Variants in CLDN14 observed in about 807,000 individuals in gnomAD.
CLDN14 encodes the protein claudin 14, also known as claudin-14.
In CLDN14, 2 loss-of-function variants were observed where a neutral mutation model predicts 2.1. The ratio of observed to expected loss-of-function variants is 0.96; its 90% CI spans 0.39 to 3.01. The LOEUF is 3.01. CLDN14 is among the 30% of genes most tolerant of loss of function. The pLI is 0.09. For missense variants in CLDN14, 298 were observed against 328.0 expected, an observed-to-expected ratio of 0.91 and a Z score of 0.71; for synonymous variants, 136 against 154.4, an observed-to-expected ratio of 0.88 and a Z score of 0.88.
chr21:36,461,455 G>T lies in CLDN14; in HGVS notation c.241C>A (p.Arg81Ser). The T allele has an allele frequency of 6.2e-7, 1 of 1,613,304 alleles. No homozygotes were observed. Among genetic ancestry groups the T allele is most frequent in the Non-Finnish European group, 8.5e-7 (1 of 1,179,970 alleles). Residue 81 changes from arginine (R) to serine (S), a missense_variant, in exon 2 of 2, where the codon CGC (arginine) becomes AGC (serine). By Grantham distance (110) the Arg-to-Ser change is moderately radical (BLOSUM62 -1). Coordinates refer to ENST00000399135, the MANE Select transcript of CLDN14 (RefSeq NM_001146079.2). The part of the protein sequence containing the change: ...LALPQDLQAA[R>S]ALMVISCLLS... ...AGGCAGGAGATGACCATGAGGGCGC[G>T]GGCAGCCTGGAGGTCTTGGGGCAGC...
intron 2 of CLDN14, among the ~76,000 whole-genome samples, chr21:36,509,672 T>C (rs763978841): frequency 2.0e-5 from 3 of 152,180 alleles, no homozygotes; most frequent in Middle Eastern, 3.2e-3. Flanking sequence ...CTCTGCTCAT[T>C]GCAACCTCCG....
chr21:36,502,404 T>C (rs977455484), intron 2 of CLDN14, among the ~76,000 whole-genome samples: 2 of 152,176 alleles, frequency 1.3e-5, no homozygotes, highest in African/African-American at 4.8e-5. Flanking sequence ...TTATGCCATC[T>C]CTGTAGTATG....
chr21:36,461,594 C>T lies in CLDN14; in HGVS notation c.102G>A (p.Ala34=), dbSNP rs146395322. The change falls in exon 2 of 2, where the codon GCG becomes GCA. Residue 34 remains alanine (A), a synonymous_variant. Coordinates refer to ENST00000399135, the MANE Select transcript of CLDN14 (RefSeq NM_001146079.2). ...TTILPHWRRT[A]HVGTNILTAV... ...CCGTGAGGATGTTGGTGCCCACGTG[C>T]GCTGTCCTCCGCCAGTGCGGCAGGA... The T allele has an allele frequency of 3.1e-4, 500 of 1,609,096 alleles. 1 individual carries two copies. Among genetic ancestry groups the T allele is most frequent in the Admixed American group, 7.6e-4 (45 of 59,438 alleles).
At chr21:36,535,145 C>T (rs992979838) in intron 1 of CLDN14, among the ~76,000 whole-genome samples, 9 of 152,132 alleles carry the variant, frequency 5.9e-5, no homozygotes, top group African/African-American at 2.2e-4. Context: ...AATCCCAGCC[C>T]TTTGGGAGGC....
At chr21:36,476,321 G>C (rs1370984250) in intron 1 of CLDN14, among the ~76,000 whole-genome samples, 1 of 152,118 alleles carries the variant, frequency 6.6e-6, no homozygotes, top group East Asian at 1.9e-4. Context: ...CCTTCCCAGA[G>C]CCCCACGGAA....
intron 1 of CLDN14, among the ~76,000 whole-genome samples, chr21:36,545,438 C>T (rs906413295): frequency 1.3e-5 from 2 of 151,976 alleles, no homozygotes; most frequent in Admixed American, 1.3e-4. Context: ...CAAGGGAGTC[C>T]CTTAGCCCTC....
Position 36,485,217 on chromosome 21 carries a change from C to T in CLDN14, c.-81-23441G>A, listed in dbSNP as rs1158566752. Among the ~76,000 whole-genome samples the T allele has an allele frequency of 3.4e-5, 5 of 147,068 alleles. 1 individual carries two copies. The highest frequency in any genetic ancestry group is 7.6e-5 in the Non-Finnish European group (5 of 66,150). The stretch of plus-strand genomic sequence containing the variant: ...GGAGTGAGACTGTGATTTTGTTTTT[C>T]TTTTTTTTTTGATGGCGTCTTAGTC... On this transcript the variant is annotated intron_variant, in intron 2 of 2. Coordinates refer to the CLDN14 transcript ENST00000342108.
chr21:36,462,408 C>G (rs1283067680), intron 1 of CLDN14, among the ~76,000 whole-genome samples: 3 of 152,104 alleles, frequency 2.0e-5, no homozygotes, highest in Admixed American at 1.3e-4. Context: ...TCCCTCCTCT[C>G]CAGCACGGAC....
intron 1 of CLDN14, among the ~76,000 whole-genome samples, chr21:36,541,602 C>T (rs1237222705): frequency 4.6e-5 from 7 of 152,200 alleles, no homozygotes; most frequent in African/African-American, 1.7e-4. Context: ...TTTCTTACTA[C>T]CTACCTTCTG....
At chr21:36,565,127 C>A (rs2087663522) in intron 1 of CLDN14, among the ~76,000 whole-genome samples, 1 of 152,216 alleles carries the variant, frequency 6.6e-6, no homozygotes, top group African/African-American at 2.4e-5. Context: ...ATGTTTTCCT[C>A]TGATTGACAC....
chr21:36,494,962 T>TC (rs1164515682), intron 2 of CLDN14, among the ~76,000 whole-genome samples: 2 of 152,138 alleles, frequency 1.3e-5, no homozygotes, highest in Non-Finnish European at 2.9e-5. Context: ...GCCTGGATGT[T>TC]CCCAAACTTC....
At chr21:36,549,142 G>A (rs370530895) in intron 1 of CLDN14, among the ~76,000 whole-genome samples, 2 of 151,098 alleles carry the variant, frequency 1.3e-5, no homozygotes, top group South Asian at 4.2e-4. Flanking sequence ...ATTCATAGCT[G>A]GTGTTTTTTT....
intron 1 of CLDN14, among the ~76,000 whole-genome samples, chr21:36,575,254 G>T (rs1284154966): frequency 6.6e-6 from 1 of 152,130 alleles, no homozygotes. Context: ...TTACCCTGAG[G>T]CTTAGGGGTG....
chr21:36,570,667 C>T (rs985186555), intron 1 of CLDN14, among the ~76,000 whole-genome samples: 1 of 152,100 alleles, frequency 6.6e-6, no homozygotes, highest in Non-Finnish European at 1.5e-5. Context: ...AATAGATTGG[C>T]ATAAATATAG....
intron 2 of CLDN14, among the ~76,000 whole-genome samples, chr21:36,495,742 C>T (rs1209077064): frequency 6.6e-6 from 1 of 152,182 alleles, no homozygotes; most frequent in Admixed American, 6.5e-5. Flanking sequence ...TTCTTGTCCA[C>T]TCAGAACCTC....
rs1196117112 is a variant in CLDN14 at position 36,498,836 on chromosome 21, G to GGGGCC, written c.-82+11522_-82+11526dup. On this transcript the variant is annotated intron_variant, in intron 2 of 2. Transcript: ENST00000342108. The surrounding 1 kb of genome is among the most constrained non-coding windows in gnomAD (Gnocchi z 4.9). ...AGCCCTGCACGAAGGTGGCCGCTGA[G>GGGGCC]GGGCCCTCATGGGGGCTGAAATTCA... Among the ~76,000 whole-genome samples the GGGGCC allele has an allele frequency of 6.6e-6, 1 of 152,142 alleles. No homozygotes were observed.
upstream of CLDN14, chr21:36,480,215 T>C (rs2086830498): frequency 6.6e-6 from 1 of 152,336 alleles, no homozygotes; most frequent in Non-Finnish European, 1.5e-5. Context: ...TTTTGTTTGT[T>C]TGCTTTTTTC....
chr21:36,571,730 T>C (rs958486245), intron 1 of CLDN14, among the ~76,000 whole-genome samples: 2 of 152,090 alleles, frequency 1.3e-5, no homozygotes, highest in Admixed American at 1.3e-4. Context: ...AGTGCCCGGA[T>C]TGATGGAGAC....
chr21:36,548,378 G>A (rs1423606291), intron 1 of CLDN14, among the ~76,000 whole-genome samples: 1 of 152,200 alleles, frequency 6.6e-6, no homozygotes, highest in Non-Finnish European at 1.5e-5. Flanking sequence ...AGCTGCATCA[G>A]GCCCATATTC....
Sources: gnomAD v4.1 joint callset for allele counts (sites outside exome capture counted in the v4.1 genomes callset) on GRCh38, gnomAD v4.1.1 for gene constraint, Gnocchi (gnomAD v3.1) non-coding constraint, MANE v1.5 for transcripts, NCBI Gene and HGNC (gene_info 2026-07-23, HGNC 2026-07-21) for gene names.